The following NELL1 variants were observed in gnomAD, a reference collection of about 807,000 sequenced individuals.
NELL1 encodes protein kinase C-binding protein NELL1.
In NELL1, 76 loss-of-function variants were observed where a neutral mutation model predicts 107.4. The ratio of observed to expected loss-of-function variants is 0.71; its 90% CI spans 0.59 to 0.86. NELL1 has a LOEUF of 0.86. NELL1 is among the 40% of genes least tolerant of loss of function. The pLI is 0.00. For synonymous variants in NELL1, 353 were observed against 341.2 expected, an observed-to-expected ratio of 1.03 and a Z score of -0.38; for missense variants, 1,024 against 1,005.5, an observed-to-expected ratio of 1.02 and a Z score of -0.25.
chr11:20,801,836 G>A (rs1857286097), intron 3 of NELL1, among the ~76,000 whole-genome samples: 1 of 152,174 alleles, frequency 6.6e-6, no homozygotes, highest in Non-Finnish European at 1.5e-5. Flanking sequence ...TGAAGAGACT[G>A]TCCTTTCTTT....
At position 20,915,717 on chromosome 11, in the gene NELL1, A is replaced by ATATATATATATATATTTTTTTT; in HGVS notation, c.604-2464_604-2463insATATATATATATATTTTTTTTT. The stretch of plus-strand genomic sequence containing the variant: ...TCATAGATGATATATATATATATAT[A>ATATATATATATATATTTTTTTT]TTTTTTTTTTTTTTTTTTGAGAGGA... On this transcript the variant is annotated intron_variant, in intron 5 of 19. Coordinates refer to ENST00000357134, the MANE Select transcript of NELL1 (RefSeq NM_006157.5). Among the ~76,000 whole-genome samples the ATATATATATATATATTTTTTTT allele has an allele frequency of 2.6e-3, 153 of 58,172 alleles. 2 individuals carry two copies. Among genetic ancestry groups the ATATATATATATATATTTTTTTT allele is most frequent in the African/African-American group, 7.2e-3 (81 of 11,300 alleles). The allele number at this position is 58,172 out of a possible 152,430, so 38.2% of individuals were successfully genotyped here. A position where few individuals can be genotyped will look rare whatever the true frequency, so the allele number is the denominator to read the frequency against.
intron 2 of NELL1, among the ~76,000 whole-genome samples, chr11:20,745,901 C>A (rs1430943287): frequency 6.6e-6 from 1 of 152,168 alleles, no homozygotes; most frequent in African/African-American, 2.4e-5. Flanking sequence ...TGACTCTGAG[C>A]TTAGTGTTCT....
chr11:21,215,648 A>G (rs1043038904), intron 13 of NELL1, among the ~76,000 whole-genome samples: 7 of 152,190 alleles, frequency 4.6e-5, no homozygotes, highest in African/African-American at 1.7e-4. Flanking sequence ...ACTGGTTGGC[A>G]GCTGGAGTAA....
At chr11:20,670,855 C>T (rs945643900) in intron 1 of NELL1, among the ~76,000 whole-genome samples, 5 of 152,178 alleles carry the variant, frequency 3.3e-5, no homozygotes, top group East Asian at 1.9e-4. Flanking sequence ...TCCTTATTTC[C>T]TTCTTTAGAG....
intron 15 of NELL1, among the ~76,000 whole-genome samples, chr11:21,533,201 G>A (rs1442912122): frequency 3.9e-5 from 6 of 152,098 alleles, no homozygotes; most frequent in Admixed American, 3.9e-4. Flanking sequence ...TGGCCAGAAT[G>A]CCTTGAGATG....
At chr11:21,227,106 TCTAATTGA>T (rs1275420041) in intron 13 of NELL1, among the ~76,000 whole-genome samples, 1 of 152,236 alleles carries the variant, frequency 6.6e-6, no homozygotes, top group Non-Finnish European at 1.5e-5. Flanking sequence ...CGTGAGCAAC[TCTAATTGA>T]GAAACCTTGA....
chr11:20,893,687 A>G (rs1849665068), intron 5 of NELL1, among the ~76,000 whole-genome samples: 1 of 151,706 alleles, frequency 6.6e-6, no homozygotes, highest in Non-Finnish European at 1.5e-5. Context: ...AATATAAGAT[A>G]CCATATATAA....
intron 12 of NELL1, among the ~76,000 whole-genome samples, chr11:20,987,090 T>C (rs992890997): frequency 3.3e-5 from 5 of 152,214 alleles, no homozygotes; most frequent in African/African-American, 7.2e-5. Flanking sequence ...ATGGCTTTTT[T>C]TAATAGATAA....
intron 2 of NELL1, among the ~76,000 whole-genome samples, chr11:20,716,541 C>T (rs7941178): frequency 0.097 from 14,787 of 152,194 alleles, 878 homozygotes; most frequent in Non-Finnish European, 0.13. Flanking sequence ...TGAAAGCATT[C>T]GATCCATGTC....
intron 2 of NELL1, among the ~76,000 whole-genome samples, chr11:20,730,051 C>T (rs780762508): frequency 1.3e-5 from 2 of 152,168 alleles, no homozygotes; most frequent in Non-Finnish European, 2.9e-5. Context: ...CATATAGGAC[C>T]TTAGACACAG....
chr11:21,516,821 TTG>T (rs1855577685), intron 15 of NELL1, among the ~76,000 whole-genome samples: 1 of 152,058 alleles, frequency 6.6e-6, no homozygotes. Flanking sequence ...TTTTTTTTTT[TTG>T]AGACGGAGTC....
intron 13 of NELL1, among the ~76,000 whole-genome samples, chr11:21,146,693 T>G (rs1277078691): frequency 1.3e-5 from 2 of 152,086 alleles, no homozygotes; most frequent in African/African-American, 4.8e-5. Context: ...CCAGTTCCCA[T>G]AACCAAACAG....
chr11:21,405,597 A>G (rs542345221), intron 15 of NELL1, among the ~76,000 whole-genome samples: 1 of 152,116 alleles, frequency 6.6e-6, no homozygotes, highest in Non-Finnish European at 1.5e-5. Context: ...TAGCATTTTC[A>G]TTAGCTCCTC....
At chr11:20,722,261 T>C (rs554790214) in intron 2 of NELL1, among the ~76,000 whole-genome samples, 35 of 152,264 alleles carry the variant, frequency 2.3e-4, no homozygotes, top group Non-Finnish European at 1.0e-4. Context: ...CCTCAAGTGA[T>C]CTACTTGCCT....
chr11:21,509,385 G>A (rs1855378762), intron 15 of NELL1, among the ~76,000 whole-genome samples: 1 of 152,120 alleles, frequency 6.6e-6, no homozygotes, highest in African/African-American at 2.4e-5. Context: ...GGAAACTCTT[G>A]TGCATGTATA....
At chr11:21,046,160 G>A (rs1448909060) in intron 12 of NELL1, among the ~76,000 whole-genome samples, 1 of 152,094 alleles carries the variant, frequency 6.6e-6, no homozygotes, top group East Asian at 1.9e-4. Context: ...TTTTTAAAGA[G>A]AAAAAATGTT....
At chr11:21,170,170 AAGC>A in intron 13 of NELL1, 1 of 620,838 alleles carries the variant, frequency 1.6e-6, no homozygotes, top group Non-Finnish European at 2.9e-6. Context: ...GATGTGATCT[AAGC>A]AGGTGAATTA....
intron 3 of NELL1, among the ~76,000 whole-genome samples, chr11:20,843,221 G>T (rs769789013): frequency 6.6e-6 from 1 of 152,022 alleles, no homozygotes; most frequent in African/African-American, 2.4e-5. Flanking sequence ...GTATCTTCTT[G>T]TTTCCCAAAT....
rs534046943 is a variant in NELL1, at chr11:21,461,883, C to T, written c.1646-72491C>T. Among the ~76,000 whole-genome samples the T allele has an allele frequency of 9.2e-5, 14 of 152,132 alleles. 1 individual carries two copies. In the South Asian group the frequency reaches 2.9e-3, roughly 32 times the overall value. On this transcript the variant is annotated intron_variant, in intron 15 of 19. Transcript: ENST00000357134. ...TAAAGACCTGGAAACTACAAAACAGCCCCCATGGAGTGGCATATTCCAAAG... is the reference window on the plus strand; with the variant it reads ...TAAAGACCTGGAAACTACAAAACAGTCCCCATGGAGTGGCATATTCCAAAG...
Sources: gnomAD v4.1 joint callset for allele counts (sites outside exome capture counted in the v4.1 genomes callset) on GRCh38, gnomAD v4.1.1 for gene constraint, MANE v1.5 for transcripts, NCBI Gene and HGNC (gene_info 2026-07-23, HGNC 2026-07-21) for gene names.